Variants in COL23A1 observed in about 807,000 individuals in gnomAD.
COL23A1 encodes the protein collagen type XXIII alpha 1 chain.
A neutral mutation model predicts 99.3 loss-of-function variants in COL23A1; 97 were observed. The observed-to-expected ratio is 0.98, with a 90% confidence interval of 0.83 to 1.16. The LOEUF (loss-of-function observed/expected upper bound fraction) is 1.16. COL23A1 is among the 50% of genes most tolerant of loss of function. The probability of loss-of-function intolerance (pLI) is 0.00; values close to 1 mark genes in which losing one functional copy is unlikely to be tolerated. For synonymous variants in COL23A1, 320 were observed against 308.2 expected (o/e 1.04, Z -0.40); for missense variants, 762 against 757.4 (o/e 1.01, Z -0.07).
At chr5:178,529,115 G>A (rs1760494042) in intron 2 of COL23A1, among the ~76,000 whole-genome samples, 1 of 152,224 alleles carries the variant, frequency 6.6e-6, no homozygotes, top group African/African-American at 2.4e-5. Context: ...AAGATGTCTG[G>A]AATGTCTGAT....
intron 2 of COL23A1, among the ~76,000 whole-genome samples, chr5:178,536,986 T>C (rs1247564459): frequency 6.6e-6 from 1 of 152,172 alleles, no homozygotes; most frequent in Non-Finnish European, 1.5e-5. Flanking sequence ...CACAGGCCCA[T>C]CCTCACCGCC....
chr5:178,407,083 G>A (rs1361946186), intron 2 of COL23A1, among the ~76,000 whole-genome samples: 1 of 152,212 alleles, frequency 6.6e-6, no homozygotes, highest in Non-Finnish European at 1.5e-5. Context: ...AGAACTGGGT[G>A]CTAAATAAGT....
At chr5:178,381,542 G>A (rs972508339) in intron 2 of COL23A1, among the ~76,000 whole-genome samples, 3 of 152,204 alleles carry the variant, frequency 2.0e-5, no homozygotes, top group Non-Finnish European at 4.4e-5. Context: ...TTGTGTTAGT[G>A]AGGACGGAAT....
At chr5:178,512,278 G>A (rs1360494829) in intron 2 of COL23A1, among the ~76,000 whole-genome samples, 3 of 152,218 alleles carry the variant, frequency 2.0e-5, no homozygotes, top group African/African-American at 2.4e-5. Context: ...GTCATGGAAC[G>A]TTGGGATATC....
At chr5:178,355,592 G>A (rs1761598916) in intron 2 of COL23A1, among the ~76,000 whole-genome samples, 2 of 152,172 alleles carry the variant, frequency 1.3e-5, no homozygotes, top group African/African-American at 4.8e-5. Context: ...GAGTGCAGTG[G>A]TGCGATCTCG....
At chr5:178,277,360 T>G (rs1756647327) in intron 5 of COL23A1, among the ~76,000 whole-genome samples, 1 of 152,246 alleles carries the variant, frequency 6.6e-6, no homozygotes, top group African/African-American at 2.4e-5. Flanking sequence ...AGCGAGACTT[T>G]GTCTCAAACA....
At chr5:178,358,406 T>C (rs1372684443) in intron 2 of COL23A1, among the ~76,000 whole-genome samples, 1 of 124,218 alleles carries the variant, frequency 8.1e-6, no homozygotes, top group African/African-American at 2.8e-5. Context: ...TATGTGTATG[T>C]GTGTATGTGT....
chr5:178,431,870 C>T (rs896087257), intron 2 of COL23A1, among the ~76,000 whole-genome samples: 3 of 152,210 alleles, frequency 2.0e-5, no homozygotes, highest in East Asian at 3.8e-4. Flanking sequence ...TTGGCAGTCA[C>T]GAAATATCTC....
In COL23A1 at chr5:178,245,959, C is replaced by T. The variant is rs774528891; in HGVS notation, c.1423G>A (p.Gly475Arg). ...PGTKGEKGRP[G>R]EPGLDGFPGP... ...ACACTTACATCTAGTCCTGGCTCCCCGGGTCTGCCCTGAGGAGAGACACAG... is the reference window on the plus strand; with the variant it reads ...ACACTTACATCTAGTCCTGGCTCCCTGGGTCTGCCCTGAGGAGAGACACAG... The change falls in exon 25 of 29, where the codon GGG becomes AGG. Residue 475 changes from glycine to arginine, a missense_variant. Transcript: ENST00000390654. The T allele has an allele frequency of 2.5e-5, 41 of 1,614,006 alleles. No individual in the cohort carries two copies. The highest frequency in any genetic ancestry group is 3.1e-5 in the Non-Finnish European group (36 of 1,180,026).
chr5:178,563,510 C>T (rs557271613), intron 1 of COL23A1, among the ~76,000 whole-genome samples: 12 of 146,546 alleles, frequency 8.2e-5, no homozygotes, highest in African/African-American at 2.3e-4. Context: ...ACCCTTGAGC[C>T]GGACCTCAGA....
chr5:178,401,450 T>C (rs1764444438), intron 2 of COL23A1, among the ~76,000 whole-genome samples: 1 of 152,222 alleles, frequency 6.6e-6, no homozygotes, highest in Non-Finnish European at 1.5e-5. Context: ...TATCTTGGCA[T>C]AGCGCATTTG....
At chr5:178,349,866 G>A (rs1484579274) in intron 2 of COL23A1, among the ~76,000 whole-genome samples, 2 of 95,562 alleles carry the variant, frequency 2.1e-5, no homozygotes, top group Non-Finnish European at 4.1e-5. Flanking sequence ...GCCCCTGACT[G>A]GAGGGGGACC....
At chr5:178,515,469 C>T (rs556438784) in intron 2 of COL23A1, among the ~76,000 whole-genome samples, 6 of 152,302 alleles carry the variant, frequency 3.9e-5, no homozygotes, top group South Asian at 4.1e-4. Context: ...GGTCCACAAA[C>T]GCTCCCTGGC....
chr5:178,545,322 G>A (rs1761522896), intron 2 of COL23A1, among the ~76,000 whole-genome samples: 1 of 152,138 alleles, frequency 6.6e-6, no homozygotes, highest in South Asian at 2.1e-4. Context: ...AGGGGGCTCA[G>A]GTTCCGCACG....
At chr5:178,328,246 C>A (rs1759807017) in intron 2 of COL23A1, among the ~76,000 whole-genome samples, 2 of 152,170 alleles carry the variant, frequency 1.3e-5, no homozygotes, top group Non-Finnish European at 2.9e-5. Context: ...GTTCCTCATC[C>A]CCCCTGTCCC....
intron 2 of COL23A1, among the ~76,000 whole-genome samples, chr5:178,462,242 C>A (rs961913364): frequency 2.6e-5 from 4 of 152,184 alleles, no homozygotes; most frequent in African/African-American, 9.7e-5. Flanking sequence ...GAGGTTCCCC[C>A]CCACCCAGCA....
At chr5:178,512,339 T>C (rs1237346393) in intron 2 of COL23A1, among the ~76,000 whole-genome samples, 5 of 152,242 alleles carry the variant, frequency 3.3e-5, no homozygotes, top group African/African-American at 9.6e-5. Context: ...ACTTTATCTA[T>C]ACATTGAGAC....
At chr5:178,253,563 A>C (rs756174258) in intron 16 of COL23A1, among the ~76,000 whole-genome samples, 5 of 150,270 alleles carry the variant, frequency 3.3e-5, no homozygotes, top group African/African-American at 1.2e-4. Flanking sequence ...GTTCACCACA[A>C]CCTCTGCCTC....
Position 178,562,729 on chromosome 5 carries a change from CTGG to C in COL23A1, c.295-1984_295-1982del, listed in dbSNP as rs201027967. 5.1e-5 allele frequency: 5 copies of C among 97,846 alleles called. 1 individual carries two copies. Among genetic ancestry groups the C allele is most frequent in the African/African-American group, 2.1e-4 (3 of 14,384 alleles). 6.1% of individuals were successfully genotyped at this position (97,846 alleles called of 1,614,324 possible). A position where few individuals can be genotyped will look rare whatever the true frequency, so the allele number is the denominator to read the frequency against. ...GACCCACGCAGGTTGCTGCCGCTGG[CTGG>C]TGGTGGGGGGGGTGCGGGCTTTTAT... On this transcript the variant is annotated intron_variant, in intron 1 of 28. Coordinates refer to ENST00000390654, the MANE Select transcript of COL23A1 (RefSeq NM_173465.4).
Sources: gnomAD v4.1 joint callset for allele counts (sites outside exome capture counted in the v4.1 genomes callset) on GRCh38, gnomAD v4.1.1 for gene constraint, MANE v1.5 for transcripts, NCBI Gene and HGNC (gene_info 2026-07-23, HGNC 2026-07-21) for gene names.